CROCC2: variants seen among roughly 807,000 people sequenced by gnomAD.
The protein encoded by CROCC2 is ciliary rootlet coiled-coil protein 2.
In CROCC2, 163 loss-of-function variants were observed where a neutral mutation model predicts 177.6. That is an observed-to-expected ratio of 0.92 (90% CI 0.81 to 1.05). CROCC2 has a LOEUF of 1.05. CROCC2 is among the 50% of genes least tolerant of loss of function. CROCC2 has a pLI of 0.00. For synonymous variants in CROCC2, 904 were observed against 787.3 expected, an observed-to-expected ratio of 1.15 and a Z score of -2.48; for missense variants, 1,929 against 1,797.8, an observed-to-expected ratio of 1.07 and a Z score of -1.32.
At chr2:240,946,415 G>A (rs1156703571) in intron 15 of CROCC2, among the ~76,000 whole-genome samples, 162 bp downstream of exon 15, 2 of 152,250 alleles carry the variant, frequency 1.3e-5, no homozygotes, top group Non-Finnish European at 2.9e-5. Flanking sequence ...AGAGCCTTTG[G>A]GTTGGGGGAG....
In CROCC2 at chr2:240,934,772, C is replaced by T. The variant is rs368645771; in HGVS notation, c.1792-144C>T. ...AGCCACCATTGGCCCTGAGACCTCC[C>T]CACTGTGGCGACCTTCCCACCATGT... is the stretch of plus-strand genomic sequence containing the variant. On this transcript the variant is annotated intron_variant, in intron 12 of 31. Coordinates refer to ENST00000690015, the MANE Select transcript of CROCC2 (RefSeq NM_001351305.2). 3.7e-5 allele frequency: 34 copies of T among 909,772 alleles called. No individual in the cohort carries two copies. In the East Asian group the frequency reaches 4.3e-4, roughly 12 times the overall value. 56.4% of individuals were successfully genotyped at this position (909,772 alleles called of 1,614,324 possible).
At chr2:240,906,640 G>A (rs1242184928) in intron 1 of CROCC2, 49 bp downstream of exon 1, 5 of 398,964 alleles carry the variant, frequency 1.3e-5, no homozygotes, top group Non-Finnish European at 2.2e-5. Context: ...CAGGTTGCCA[G>A]GACACTTTGG....
chr2:240,927,706 A>C (rs775180359), intron 5 of CROCC2, among the ~76,000 whole-genome samples: 1 of 152,166 alleles, frequency 6.6e-6, no homozygotes, highest in Non-Finnish European at 1.5e-5. Context: ...GCTGGAGTGC[A>C]GTGGCACAAT....
chr2:240,962,395 A>G (rs1032732199), intron 20 of CROCC2, among the ~76,000 whole-genome samples: 2 of 152,076 alleles, frequency 1.3e-5, no homozygotes, highest in African/African-American at 4.8e-5. Context: ...TTTATGATGC[A>G]TGGGCCCTTT....
intron 28 of CROCC2, among the ~76,000 whole-genome samples, chr2:240,987,550 C>CA (rs1420311520): frequency 4.6e-5 from 7 of 152,198 alleles, no homozygotes; most frequent in Non-Finnish European, 8.8e-5. Context: ...GACCCTGTAA[C>CA]AAACTTTACC....
In CROCC2 at chr2:240,975,504, G is replaced by A. The variant is rs1307615523; in HGVS notation, c.4401+7242G>A. Among the ~76,000 whole-genome samples the A allele has an allele frequency of 2.0e-5, 3 of 152,198 alleles. 1 individual carries two copies. Among genetic ancestry groups the A allele is most frequent in the South Asian group, 4.1e-4 (2 of 4,828 alleles). On this transcript the variant is annotated intron_variant, in intron 27 of 31. Coordinates refer to ENST00000690015, the MANE Select transcript of CROCC2 (RefSeq NM_001351305.2). ...AGTGGATAAATGGGTATGAGGCTGA[G>A]GACCCCAATTCCAGAGCCCAAAGGA...
At chr2:240,948,142 G>T (rs556025288) in intron 15 of CROCC2, among the ~76,000 whole-genome samples, 7 of 152,122 alleles carry the variant, frequency 4.6e-5, no homozygotes, top group Non-Finnish European at 1.0e-4. Flanking sequence ...GGAGTGTTGG[G>T]ATGGGGGCCA....
At chr2:240,945,988 C>T (rs1300164926) in intron 14 of CROCC2, 72 bp from the exon 15 acceptor site, 1 of 1,231,978 alleles carries the variant, frequency 8.1e-7, no homozygotes. Flanking sequence ...CTTTCTTCCC[C>T]TCAAGAGGCC....
chr2:240,968,130 C>A lies in CROCC2; in HGVS notation c.4269C>A (p.Gly1423=). Residue 1423 remains glycine (G), a splice_region_variant and synonymous_variant, in exon 27 of 32, where the codon GGC becomes GGA. Transcript: ENST00000690015. ...CAAGCCACCCTGCTTGCCCCACAGGCCAGCGCCGGGTGGAGGGCGCGCTGA... is the reference window on the plus strand; with the variant it reads ...CAAGCCACCCTGCTTGCCCCACAGGACAGCGCCGGGTGGAGGGCGCGCTGA... The part of the protein sequence containing the change: ...LQKALAEAEE[G]QRRVEGALSS... 2 of 1,470,726 alleles carry A rather than the reference C, an allele frequency of 1.4e-6. No individual in the cohort carries two copies. The highest frequency in any genetic ancestry group is 9.0e-7 in the Non-Finnish European group (1 of 1,113,070). The allele number at this position is 1,470,726 out of a possible 1,614,324, so 91.1% of individuals were successfully genotyped here.
intron 1 of CROCC2, among the ~76,000 whole-genome samples, chr2:240,906,801 GGA>G (rs1212719446): frequency 6.6e-6 from 1 of 152,226 alleles, no homozygotes; most frequent in Non-Finnish European, 1.5e-5. Context: ...CCTTCAGCCA[GGA>G]GAGAGAGCCT....
chr2:240,931,779 G>T (rs533659516), intron 7 of CROCC2, among the ~76,000 whole-genome samples: 1 of 152,328 alleles, frequency 6.6e-6, no homozygotes, highest in East Asian at 1.9e-4. Context: ...CCCTCAGGGG[G>T]TCCAGCTGAG....
At chr2:240,935,106 C>G in intron 13 of CROCC2, 44 bp downstream of exon 13, 1 of 1,326,994 alleles carries the variant, frequency 7.5e-7, no homozygotes, top group Non-Finnish European at 9.7e-7. Flanking sequence ...GAACCTGTTT[C>G]CCAGGTGGCT....
intron 28 of CROCC2, among the ~76,000 whole-genome samples, chr2:240,984,380 A>G (rs2059821376): frequency 6.6e-6 from 1 of 151,960 alleles, no homozygotes. Flanking sequence ...ACAGCCCAAT[A>G]AAGAGGAAAT....
At chr2:240,920,156 AG>A in intron 3 of CROCC2, 22 bp downstream of exon 3, 1 of 639,148 alleles carries the variant, frequency 1.6e-6, no homozygotes, top group Non-Finnish European at 2.9e-6. Context: ...CAGCAGACTC[AG>A]GGCAGGCGGG....
chr2:240,935,493 G>A lies in CROCC2; in HGVS notation c.2074G>A (p.Ala692Thr), dbSNP rs1419206777. Residue 692 changes from alanine to threonine, a missense_variant, in exon 14 of 32, where the codon GCC (alanine) becomes ACC (threonine). Around this residue, in one of 3 missense-constraint regions of CROCC2, gnomAD observed 1,397 missense variants for 1,239.9 expected, o/e 1.13. Coordinates refer to ENST00000690015, the MANE Select transcript of CROCC2 (RefSeq NM_001351305.2). Reference protein sequence around the residue: ...ERAERRGLQQACGRLEQRQEQ... With the variant: ...ERAERRGLQQTCGRLEQRQEQ... Reference sequence around the variant, plus strand: ...GGCAGAGCGCAGGGGCCTGCAGCAGGCCTGCGGACGCCTGGAGCAGCGGCA... The same window carrying A: ...GGCAGAGCGCAGGGGCCTGCAGCAGACCTGCGGACGCCTGGAGCAGCGGCA... 17 of 1,346,212 alleles carry A rather than the reference G, an allele frequency of 1.3e-5. No homozygotes were observed. The highest frequency in any genetic ancestry group is 3.4e-5 in the Admixed American group (1 of 29,680). The allele number at this position is 1,346,212 out of a possible 1,614,324, so 83.4% of individuals were successfully genotyped here. A position where few individuals can be genotyped will look rare whatever the true frequency, so the allele number is the denominator to read the frequency against.
At chr2:240,943,718 G>C (rs2059506920) in intron 14 of CROCC2, among the ~76,000 whole-genome samples, 1 of 152,070 alleles carries the variant, frequency 6.6e-6, no homozygotes, top group Admixed American at 6.6e-5. Flanking sequence ...GAGCTCAGGT[G>C]ATCTGCCCAC....
intron 11 of CROCC2, 100 bp from the exon 12 acceptor site, chr2:240,934,231 T>A: frequency 7.4e-7 from 1 of 1,356,724 alleles, no homozygotes; most frequent in Non-Finnish European, 1.0e-6. Context: ...TGGGCCTCCC[T>A]GGGCTTGGAG....
At chr2:240,927,903 A>C (rs2059404046) in intron 5 of CROCC2, among the ~76,000 whole-genome samples, 1 of 152,242 alleles carries the variant, frequency 6.6e-6, no homozygotes, top group East Asian at 1.9e-4. Context: ...CGCCTGCCTC[A>C]GCCTCCCAAA....
At chr2:240,928,745 T>A (rs150680393) in intron 5 of CROCC2, among the ~76,000 whole-genome samples, 1 of 138,286 alleles carries the variant, frequency 7.2e-6, no homozygotes, top group Non-Finnish European at 1.7e-5. Flanking sequence ...TGCAGACAGG[T>A]GTAACGGGCT....
Sources: allele counts gnomAD v4.1 joint callset (sites outside exome capture counted in the v4.1 genomes callset), GRCh38; gene constraint gnomAD v4.1.1; regional missense constraint gnomAD v4.1.1; transcripts MANE v1.5; gene names NCBI Gene and HGNC (gene_info 2026-07-23, HGNC 2026-07-21).